The following NOTCH2NLC variants were observed in gnomAD, a reference collection of about 807,000 sequenced individuals.
NOTCH2NLC encodes notch homolog 2 N-terminal-like protein C.
In NOTCH2NLC, 4 loss-of-function variants were observed where a neutral mutation model predicts 17.7. The observed-to-expected ratio is 0.23, with a 90% CI of 0.11 to 0.52. The LOEUF (loss-of-function observed/expected upper bound fraction) is 0.52, where lower values mean the gene tolerates loss of function less well. Among genes scored for constraint, NOTCH2NLC ranks in the 20% least tolerant of loss-of-function variants. NOTCH2NLC has a pLI of 0.96. For missense variants in NOTCH2NLC, 57 were observed against 207.2 expected, an observed-to-expected ratio of 0.28 and a Z score of 4.45; for synonymous variants, 18 against 86.0, an observed-to-expected ratio of 0.21 and a Z score of 4.38.
At chr1:149,420,016 G>A (rs1408176564) in intron 1 of NOTCH2NLC, among the ~76,000 whole-genome samples, 32 of 144,790 alleles carry the variant, frequency 2.2e-4, no homozygotes, top group African/African-American at 7.0e-4. Context: ...ACAGGCACCC[G>A]CCACCATGCC....
At chr1:149,435,672 T>C (rs1289151401) in intron 2 of NOTCH2NLC, among the ~76,000 whole-genome samples, 1 of 136,494 alleles carries the variant, frequency 7.3e-6, no homozygotes, top group East Asian at 2.5e-4. Context: ...CTGAATCTTA[T>C]CTTGCTCATG....
At chr1:149,445,565 G>C (rs2101499645) in intron 2 of NOTCH2NLC, among the ~76,000 whole-genome samples, 1 of 150,030 alleles carries the variant, frequency 6.7e-6, no homozygotes, top group African/African-American at 2.4e-5. Context: ...CCCCCCTCTA[G>C]AGCTCAGCTA....
At chr1:149,449,737 C>T (rs1243191890) in intron 2 of NOTCH2NLC, among the ~76,000 whole-genome samples, 23 of 151,446 alleles carry the variant, frequency 1.5e-4, no homozygotes, top group African/African-American at 4.6e-4. Context: ...TATCTAATTT[C>T]AAAACATTTT....
intron 2 of NOTCH2NLC, among the ~76,000 whole-genome samples, chr1:149,433,702 T>C: frequency 1.4e-5 from 2 of 147,842 alleles, no homozygotes; most frequent in Non-Finnish European, 3.0e-5. Flanking sequence ...AGTTCTTTGT[T>C]GGACTGTTGG....
Position 149,428,693 on chromosome 1 carries a change from T to G in NOTCH2NLC, c.136-2249T>G, listed in dbSNP as rs1380745416. On this transcript the variant is annotated intron_variant, in intron 1 of 4. Coordinates refer to ENST00000650865, the MANE Select transcript of NOTCH2NLC (RefSeq NM_001364013.2). ...CAGGGAACCTTTAGGGACATTTAGT[T>G]CGCTCTCAGCTTGGTACAGGTAGGG... is the stretch of plus-strand genomic sequence containing the variant. 6.8e-5 allele frequency among the ~76,000 whole-genome samples: 10 copies of G among 147,698 alleles called. No individual in the cohort carries two copies. In the East Asian group the frequency reaches 2.1e-3, roughly 31 times the overall value.
rs1207038578 is a variant in NOTCH2NLC, at chr1:149,464,632, A to C, written c.*479A>C. On this transcript the variant is annotated 3_prime_UTR_variant, in exon 5 of 5. Transcript: ENST00000650865. ...AGGAACAAGCTTGGCCAATTCATTC[A>C]ACTCCTTATAAAAATGATGAGGAGG... 6.7e-6 allele frequency: 1 copy of C among 149,780 alleles called. No individual in the cohort carries two copies. Among genetic ancestry groups the C allele is most frequent in the African/African-American group, 2.5e-5 (1 of 40,222 alleles). 9.3% of individuals were successfully genotyped at this position (149,780 alleles called of 1,614,324 possible).
At chr1:149,442,175 G>A (rs1345131928) in intron 2 of NOTCH2NLC, among the ~76,000 whole-genome samples, 2 of 149,354 alleles carry the variant, frequency 1.3e-5, no homozygotes, top group African/African-American at 4.9e-5. Context: ...AAGATGGTTA[G>A]ACCTTTCTAT....
At chr1:149,440,113 T>C (rs2084507871) in intron 2 of NOTCH2NLC, among the ~76,000 whole-genome samples, 1 of 150,546 alleles carries the variant, frequency 6.6e-6, no homozygotes, top group Non-Finnish European at 1.5e-5. Flanking sequence ...AGGATTTATG[T>C]AGAATGGTAG....
intron 1 of NOTCH2NLC, among the ~76,000 whole-genome samples, chr1:149,412,928 A>G (rs1409316230): frequency 8.5e-6 from 1 of 117,766 alleles, no homozygotes; most frequent in Non-Finnish European, 1.7e-5. Flanking sequence ...TTTTTGAGAC[A>G]GGGCCTCACT....
At chr1:149,420,419 A>T (rs2084373266) in intron 1 of NOTCH2NLC, among the ~76,000 whole-genome samples, 1 of 139,744 alleles carries the variant, frequency 7.2e-6, no homozygotes, top group Admixed American at 7.2e-5. Flanking sequence ...ACATGTATAC[A>T]TATGTAACAA....
At chr1:149,393,069 CAAA>C (rs1158506660) in intron 1 of NOTCH2NLC, among the ~76,000 whole-genome samples, 50 of 43,066 alleles carry the variant, frequency 1.2e-3, no homozygotes, top group African/African-American at 3.3e-3. Flanking sequence ...GACTCCGTCT[CAAA>C]AAAAAAAAAA....
In NOTCH2NLC at chr1:149,425,533, A is replaced by G. The variant is rs1288608592; in HGVS notation, c.136-5409A>G. On this transcript the variant is annotated intron_variant, in intron 1 of 4. Coordinates refer to ENST00000650865, the MANE Select transcript of NOTCH2NLC (RefSeq NM_001364013.2). ...GTAAGCTCTGATCTGGAAGGCCAGC[A>G]TGGGAGCCTAGACTGGTTAAAGTAA... Among the ~76,000 whole-genome samples the G allele has an allele frequency of 2.0e-5, 3 of 150,944 alleles. 1 individual carries two copies. Among genetic ancestry groups the G allele is most frequent in the Non-Finnish European group, 4.4e-5 (3 of 67,498 alleles).
intron 1 of NOTCH2NLC, among the ~76,000 whole-genome samples, chr1:149,412,101 G>T (rs1434071198): frequency 9.9e-6 from 1 of 100,560 alleles, no homozygotes; most frequent in Non-Finnish European, 1.9e-5. Context: ...GGGTGACAGA[G>T]CAAGATCCTG....
chr1:149,419,385 A>T lies in NOTCH2NLC; in HGVS notation c.136-11557A>T, dbSNP rs2084365649. Among the ~76,000 whole-genome samples the T allele has an allele frequency of 2.0e-5, 3 of 150,214 alleles. No individual in the cohort carries two copies. The South Asian group carries it at 6.3e-4, about 32-fold the overall frequency. ...TCTGTGCTTAAAGACACAAACATGG[A>T]AAGTTTTAAGTTCCAATATGGTCAC... On this transcript the variant is annotated intron_variant, in intron 1 of 4. Transcript: ENST00000650865.
rs1397106864 is a variant in NOTCH2NLC at position 149,429,767 on chromosome 1, G to C, written c.136-1175G>C. Among the ~76,000 whole-genome samples, 4 of 151,026 alleles carry C rather than the reference G, an allele frequency of 2.6e-5. No individual in the cohort carries two copies. In the East Asian group the frequency reaches 7.8e-4, roughly 30 times the overall value. On this transcript the variant is annotated intron_variant, in intron 1 of 4. Coordinates refer to ENST00000650865, the MANE Select transcript of NOTCH2NLC (RefSeq NM_001364013.2). The stretch of plus-strand genomic sequence containing the variant: ...TGGTTTCGTGGCCAGGGATGGCCAG[G>C]CCTAGCGTCTCTGATCTTGCACAAT...
intron 2 of NOTCH2NLC, among the ~76,000 whole-genome samples, chr1:149,448,977 G>T (rs2084573095): frequency 6.8e-6 from 1 of 146,880 alleles, no homozygotes; most frequent in Non-Finnish European, 1.5e-5. Context: ...CAACTTCTGG[G>T]TTCATGCCAT....
intron 2 of NOTCH2NLC, among the ~76,000 whole-genome samples, chr1:149,449,327 T>C (rs2084576442): frequency 6.7e-6 from 1 of 149,304 alleles, no homozygotes; most frequent in South Asian, 2.1e-4. Context: ...ACTTAGAAAA[T>C]ATGTTTTCAG....
chr1:149,421,382 C>T (rs1313519943), intron 1 of NOTCH2NLC, among the ~76,000 whole-genome samples: 2 of 149,164 alleles, frequency 1.3e-5, no homozygotes, highest in East Asian at 2.0e-4. Context: ...ACCTATAGTC[C>T]CAGCTACTCG....
intron 1 of NOTCH2NLC, 120 bp downstream of exon 1, chr1:149,391,042 A>AGT: frequency 1.1e-6 from 1 of 891,494 alleles, no homozygotes; most frequent in Non-Finnish European, 1.4e-6. Flanking sequence ...GCGCGGAGCG[A>AGT]GGCCACTCGC....
Sources: gnomAD v4.1 joint callset for allele counts (sites outside exome capture counted in the v4.1 genomes callset) on GRCh38, gnomAD v4.1.1 for gene constraint, MANE v1.5 for transcripts, NCBI Gene and HGNC (gene_info 2026-07-23, HGNC 2026-07-21) for gene names.